The following PRORP variants were observed in gnomAD, a reference collection of about 807,000 sequenced individuals.
The protein encoded by PRORP is mitochondrial ribonuclease P catalytic subunit.
In PRORP, 51 loss-of-function variants were observed where a neutral mutation model predicts 59.4. The observed-to-expected ratio is 0.86, with a 90% CI of 0.69 to 1.08. The LOEUF is 1.08. Among genes scored for constraint, PRORP ranks in the 50% least tolerant of loss-of-function variants. PRORP has a pLI of 0.00. For synonymous variants in PRORP, 231 were observed against 245.6 expected, an observed-to-expected ratio of 0.94 and a Z score of 0.55; for missense variants, 646 against 690.3, an observed-to-expected ratio of 0.94 and a Z score of 0.72.
At chr14:35,216,310 T>G (rs775330086) in intron 5 of PRORP, among the ~76,000 whole-genome samples, 13 of 150,996 alleles carry the variant, frequency 8.6e-5, no homozygotes, top group Middle Eastern at 6.8e-3. Flanking sequence ...CTGGGTTTTT[T>G]TTGTTGTTGT....
At chr14:35,185,836 A>G (rs940065781) in intron 5 of PRORP, among the ~76,000 whole-genome samples, 3 of 152,254 alleles carry the variant, frequency 2.0e-5, no homozygotes, top group Non-Finnish European at 2.9e-5. Flanking sequence ...CCTTCAATTC[A>G]GATATGAAAG....
intron 5 of PRORP, among the ~76,000 whole-genome samples, chr14:35,207,716 A>C (rs1234064598): frequency 6.6e-6 from 1 of 152,164 alleles, no homozygotes; most frequent in South Asian, 2.1e-4. Context: ...TCATTAATCC[A>C]TGTGGGTTTT....
chr14:35,252,870 T>G (rs2050648667), intron 5 of PRORP, among the ~76,000 whole-genome samples: 1 of 152,170 alleles, frequency 6.6e-6, no homozygotes. Flanking sequence ...TCCTTCCATC[T>G]CAGTGGCAAG....
intron 4 of PRORP, among the ~76,000 whole-genome samples, chr14:35,149,079 C>T (rs1034074762): frequency 6.0e-5 from 9 of 149,576 alleles, no homozygotes; most frequent in South Asian, 2.1e-4. Flanking sequence ...CCACCACGCC[C>T]GGCTAATTTT....
intron 5 of PRORP, among the ~76,000 whole-genome samples, chr14:35,188,336 G>A (rs572103747): frequency 9.7e-4 from 146 of 151,284 alleles, no homozygotes; most frequent in African/African-American, 3.3e-3. Flanking sequence ...GATTATGGGC[G>A]TGCACCACTA....
Position 35,138,882 on chromosome 14 carries a change from C to T in PRORP, c.1167+11271C>T, listed in dbSNP as rs180689147. The stretch of plus-strand genomic sequence containing the variant: ...CTGGGCTCACTGCACCCTCTGTCTC[C>T]TGGGTTCACATGAGTCTCCTGCCTC... On this transcript the variant is annotated intron_variant, in intron 4 of 7. Transcript: ENST00000534898. Among the ~76,000 whole-genome samples the T allele has an allele frequency of 2.1e-5, 3 of 145,026 alleles. 1 individual carries two copies. The East Asian group carries it at 7.0e-4, about 34-fold the overall frequency.
chr14:35,151,639 T>TACACACACAC (rs55940352), intron 4 of PRORP, among the ~76,000 whole-genome samples: 182 of 141,842 alleles, frequency 1.3e-3, no homozygotes, highest in African/African-American at 3.5e-3. Context: ...CACACACACA[T>TACACACACAC]ACACACACAC....
At chr14:35,148,022 C>T (rs941777220) in intron 4 of PRORP, among the ~76,000 whole-genome samples, 2 of 152,220 alleles carry the variant, frequency 1.3e-5, no homozygotes, top group Admixed American at 1.3e-4. Flanking sequence ...ACCATATCTG[C>T]AGTTCCTTCT....
chr14:35,172,413 TTTCC>T (rs71121269), intron 4 of PRORP, among the ~76,000 whole-genome samples: 10,856 of 77,636 alleles, frequency 0.14, 1,309 homozygotes, highest in East Asian at 0.24. Flanking sequence ...GGTTTCTTTC[TTTCC>T]TTCCTTCCTT....
chr14:35,267,075 TA>T (rs1176942726), intron 6 of PRORP, among the ~76,000 whole-genome samples, 200 bp downstream of exon 6: 1 of 150,856 alleles, frequency 6.6e-6, no homozygotes, highest in African/African-American at 2.4e-5. Flanking sequence ...TACGGCAGGA[TA>T]AACTTAAACA....
At chr14:35,215,035 A>C (rs1170747980) in intron 5 of PRORP, among the ~76,000 whole-genome samples, 2 of 152,100 alleles carry the variant, frequency 1.3e-5, no homozygotes, top group Non-Finnish European at 2.9e-5. Flanking sequence ...AGATCAGAAA[A>C]ATAAGCTCTG....
intron 4 of PRORP, among the ~76,000 whole-genome samples, chr14:35,145,697 C>T (rs1449698760): frequency 3.0e-5 from 4 of 135,202 alleles, no homozygotes; most frequent in Admixed American, 7.9e-5. Flanking sequence ...TCCAGCCTGG[C>T]GACAGAGCGA....
At chr14:35,221,955 C>G (rs540434452) in intron 5 of PRORP, among the ~76,000 whole-genome samples, 9 of 152,230 alleles carry the variant, frequency 5.9e-5, no homozygotes, top group African/African-American at 1.7e-4. Context: ...TCGGAAGTAA[C>G]TATTTTTTTC....
chr14:35,124,595 A>T (rs1198175909), intron 2 of PRORP, among the ~76,000 whole-genome samples: 1 of 151,478 alleles, frequency 6.6e-6, no homozygotes, highest in Non-Finnish European at 1.5e-5. Flanking sequence ...AACAACATAC[A>T]TAATTTGTGC....
chr14:35,145,733 G>A (rs1383988811), intron 4 of PRORP, among the ~76,000 whole-genome samples: 1 of 78,572 alleles, frequency 1.3e-5, no homozygotes, highest in Admixed American at 1.1e-4. Context: ...AAGAAAGAAA[G>A]AAGGAAGGAA....
intron 5 of PRORP, among the ~76,000 whole-genome samples, chr14:35,240,910 C>T (rs2050349475): frequency 6.6e-6 from 1 of 152,080 alleles, no homozygotes; most frequent in South Asian, 2.1e-4. Flanking sequence ...TTCCCCTCGC[C>T]CGTGGATTCA....
chr14:35,273,390 C>T (rs771180062), intron 7 of PRORP, 45 bp from the exon 8 acceptor site: 1 of 1,561,564 alleles, frequency 6.4e-7, no homozygotes, highest in African/African-American at 1.4e-5. Context: ...CCAAGTAGCC[C>T]TTTAGTGTTG....
chr14:35,256,326 CTTTT>C (rs1178856754), intron 5 of PRORP, among the ~76,000 whole-genome samples: 1 of 82,812 alleles, frequency 1.2e-5, no homozygotes, highest in Non-Finnish European at 2.2e-5. Context: ...TTGTGCGTAT[CTTTT>C]TTTTTTTTTT....
intron 4 of PRORP, among the ~76,000 whole-genome samples, chr14:35,147,243 C>T (rs1246814720): frequency 6.6e-6 from 1 of 152,186 alleles, no homozygotes; most frequent in African/African-American, 2.4e-5. Flanking sequence ...GAGCCTTCAG[C>T]AAGTTGTAAT....
Sources: allele counts gnomAD v4.1 joint callset (sites outside exome capture counted in the v4.1 genomes callset), GRCh38; gene constraint gnomAD v4.1.1; transcripts MANE v1.5; gene names NCBI Gene and HGNC (gene_info 2026-07-23, HGNC 2026-07-21).